The following TYRO3 variants were observed in gnomAD, a reference collection of about 807,000 sequenced individuals.
TYRO3 encodes tyrosine-protein kinase receptor TYRO3.
A neutral mutation model predicts 95.2 loss-of-function variants in TYRO3; 38 were observed. That is an observed-to-expected ratio of 0.40 (90% CI 0.31 to 0.52). TYRO3 has a LOEUF of 0.52. Among genes scored for constraint, TYRO3 ranks in the 20% least tolerant of loss-of-function variants. TYRO3 has a pLI of 0.56. For missense variants in TYRO3, 812 were observed against 1,116.4 expected (o/e 0.73, Z 3.89); for synonymous variants, 367 against 432.9 (o/e 0.85, Z 1.89).
chr15:41,579,809 G>A lies in TYRO3; in HGVS notation c.*1533G>A, dbSNP rs1432713786. On this transcript the variant is annotated 3_prime_UTR_variant, in exon 19 of 19. Coordinates refer to ENST00000263798, the MANE Select transcript of TYRO3 (RefSeq NM_006293.4). The stretch of plus-strand genomic sequence containing the variant: ...GTCTCACTCTGTCGCCCAGGCTGGA[G>A]TGCAATTGCGCGATCTGAGCTCACT... 2 of 149,816 alleles carry A rather than the reference G, an allele frequency of 1.3e-5. No homozygotes were observed. The highest frequency in any genetic ancestry group is 4.9e-5 in the African/African-American group (2 of 40,480). The allele number at this position is 149,816 out of a possible 1,614,324, so 9.3% of individuals were successfully genotyped here. A position where few individuals can be genotyped will look rare whatever the true frequency, so the allele number is the denominator to read the frequency against.
chr15:41,578,753 C>T lies in TYRO3; in HGVS notation c.*477C>T. 5.5e-6 allele frequency: 1 copy of T among 183,140 alleles called. No individual in the cohort carries two copies. Among genetic ancestry groups the T allele is most frequent in the Non-Finnish European group, 1.1e-5 (1 of 88,650 alleles). 11.3% of individuals were successfully genotyped at this position (183,140 alleles called of 1,614,324 possible). On this transcript the variant is annotated 3_prime_UTR_variant, in exon 19 of 19. Coordinates refer to ENST00000263798, the MANE Select transcript of TYRO3 (RefSeq NM_006293.4). ...CCCCTCCAAGTCACAAAGAGATGTC[C>T]TTGTAATATTCCCTTTTAGGTGAGG...
Position 41,573,682 on chromosome 15 carries a change from GC to G in TYRO3, c.2150del (p.Ala717GlyfsTer4). The G allele has an allele frequency of 6.2e-7, 1 of 1,614,260 alleles. No homozygotes were observed. On this transcript the variant is annotated frameshift_variant, in exon 18 of 19. Transcript: ENST00000263798. LOFTEE classifies it high-confidence loss of function. ...CCCAACCTCGATTCTGTCCCAGTGGGCGTTCGGGGTGACCATGTGGGAGATC... is the reference window on the plus strand; with the variant it reads ...CCCAACCTCGATTCTGTCCCAGTGGGGTTCGGGGTGACCATGTGGGAGATC... ...NLYTVQSDVW[A>X]FGVTMWEIMT...
Position 41,570,308 on chromosome 15 carries a change from AT to A in TYRO3, c.1452del (p.Arg485GlufsTer20), listed in dbSNP as rs768300380. 6.2e-7 allele frequency: 1 copy of A among 1,614,142 alleles called. No homozygotes were observed. The highest frequency in any genetic ancestry group is 1.1e-5 in the South Asian group (1 of 91,088). On this transcript the variant is annotated frameshift_variant, in exon 11 of 19. Transcript: ENST00000263798. LOFTEE classifies it high-confidence loss of function. ...CACTTCCGGGCAGCCCGGTCCTTCA[AT>A]CGAGAAAGGCCCGAGCGCATCGAGG... ...AVHFRAARSF[N>X]RERPERIEAT...
At chr15:41,571,000 A>G in intron 12 of TYRO3, 38 bp from the exon 13 acceptor site, 1 of 1,603,984 alleles carries the variant, frequency 6.2e-7, no homozygotes, top group Non-Finnish European at 8.5e-7. Flanking sequence ...GGGAGCAGAG[A>G]GCCAAGGAGA....
At chr15:41,572,664 C>T in intron 15 of TYRO3, 100 bp downstream of exon 15, 1 of 1,506,784 alleles carries the variant, frequency 6.6e-7, no homozygotes, top group East Asian at 2.3e-5. Context: ...CTGGGTAGGG[C>T]TGATGGAGCT....
chr15:41,570,579 T>C (rs763052976), intron 11 of TYRO3, 25 bp from the exon 12 acceptor site: 1 of 1,049,078 alleles, frequency 9.5e-7, no homozygotes, highest in Non-Finnish European at 1.4e-6. Context: ...GAGATCCCTC[T>C]TTCCCACAAA....
intron 18 of TYRO3, 82 bp downstream of exon 18, chr15:41,573,897 C>A: frequency 6.6e-7 from 1 of 1,518,772 alleles, no homozygotes. Context: ...GTTGCCTCAA[C>A]TGGACCTTTG....
At chr15:41,568,196 A>ATCC in intron 7 of TYRO3, 21 bp from the exon 8 acceptor site, 1 of 1,610,134 alleles carries the variant, frequency 6.2e-7, no homozygotes, top group Non-Finnish European at 8.5e-7. Flanking sequence ...GGTCTTAGCA[A>ATCC]TCTTCTCTCT....
intron 6 of TYRO3, 141 bp from the exon 7 acceptor site, chr15:41,567,219 G>T (rs2055733914): frequency 8.9e-6 from 5 of 563,038 alleles, no homozygotes; most frequent in Middle Eastern, 5.0e-4. Flanking sequence ...TATTATTGGG[G>T]TGGGGGCAGA....
At chr15:41,566,534 C>G (rs554411816) in intron 6 of TYRO3, among the ~76,000 whole-genome samples, 37 of 152,274 alleles carry the variant, frequency 2.4e-4, no homozygotes, top group Admixed American at 1.8e-3. Flanking sequence ...TGGGCCTTTT[C>G]CCTGTTCCAT....
rs541885588 is a variant in TYRO3 at position 41,580,962 on chromosome 15, G to C, written c.*2686G>C. On this transcript the variant is annotated 3_prime_UTR_variant, in exon 19 of 19. Transcript: ENST00000263798. Reference sequence around the variant, plus strand: ...TCCCAGCACTTTGGGAGGCTGAGGCGGGTGGATCACTTCAGGCCGGGAGTT... The same window carrying C: ...TCCCAGCACTTTGGGAGGCTGAGGCCGGTGGATCACTTCAGGCCGGGAGTT... 1.3e-5 allele frequency: 2 copies of C among 152,108 alleles called. No homozygotes were observed. Among genetic ancestry groups the C allele is most frequent in the East Asian group, 3.9e-4 (2 of 5,170 alleles). 9.4% of individuals were successfully genotyped at this position (152,108 alleles called of 1,614,324 possible).
Position 41,581,180 on chromosome 15 carries a change from A to T in TYRO3, c.*2904A>T, listed in dbSNP as rs2055918980. 6.5e-6 allele frequency: 1 copy of T among 153,480 alleles called. No individual in the cohort carries two copies. The highest frequency in any genetic ancestry group is 2.4e-5 in the African/African-American group (1 of 41,424). 9.5% of individuals were successfully genotyped at this position (153,480 alleles called of 1,614,324 possible). ...ACTTCGGCCTGGGTGACAGATTAAG[A>T]CTGTCTCAGAAACAAAACAAAACAA... On this transcript the variant is annotated 3_prime_UTR_variant, in exon 19 of 19. Coordinates refer to ENST00000263798, the MANE Select transcript of TYRO3 (RefSeq NM_006293.4).
At chr15:41,568,007 A>G (rs1265360009) in intron 7 of TYRO3, among the ~76,000 whole-genome samples, 2 of 152,130 alleles carry the variant, frequency 1.3e-5, no homozygotes, top group African/African-American at 4.8e-5. Flanking sequence ...GAAGAGCAAC[A>G]CTGCCGAGCT....
rs961013813 is a variant in TYRO3 at position 41,581,106 on chromosome 15, C to T, written c.*2830C>T. 4 of 153,330 alleles carry T rather than the reference C, an allele frequency of 2.6e-5. No individual in the cohort carries two copies. Among genetic ancestry groups the T allele is most frequent in the Non-Finnish European group, 4.4e-5 (3 of 68,052 alleles). The allele number at this position is 153,330 out of a possible 1,614,324, so 9.5% of individuals were successfully genotyped here. ...CTGGGTGACTGAGGCATGAGAATCA[C>T]TTAAACCTGGGAGGAGGAGGTTGCA... On this transcript the variant is annotated 3_prime_UTR_variant, in exon 19 of 19. Transcript: ENST00000263798.
chr15:41,573,851 G>C (rs1311433122), intron 18 of TYRO3, 36 bp downstream of exon 18: 27 of 1,342,604 alleles, frequency 2.0e-5, no homozygotes, highest in Non-Finnish European at 2.6e-5. Context: ...GGAAGGAAAG[G>C]GGAATCTGGA....
chr15:41,560,436 C>CGCGT (rs937828398), intron 1 of TYRO3, among the ~76,000 whole-genome samples: 10 of 82,920 alleles, frequency 1.2e-4, no homozygotes, highest in African/African-American at 3.3e-4. Context: ...TGTGCGCGCG[C>CGCGT]GCGCGCGCGC....
At chr15:41,561,486 G>T in intron 2 of TYRO3, 53 bp from the exon 3 acceptor site, 1 of 1,366,846 alleles carries the variant, frequency 7.3e-7, no homozygotes. Context: ...AGTTTGCCCA[G>T]CAGAGCTGCC....
chr15:41,564,111 G>A (rs2055690352), intron 4 of TYRO3, 73 bp from the exon 5 acceptor site: 3 of 1,381,992 alleles, frequency 2.2e-6, no homozygotes, highest in East Asian at 2.3e-5. Context: ...CAGAGCCTGA[G>A]TATTCCCCTT....
chr15:41,569,350 GC>G (rs1398572480), intron 9 of TYRO3, among the ~76,000 whole-genome samples: 1 of 150,658 alleles, frequency 6.6e-6, no homozygotes, highest in African/African-American at 2.4e-5. Flanking sequence ...TGCCTGTTAA[GC>G]CCAGCTGCTC....
Sources: allele counts gnomAD v4.1 joint callset (sites outside exome capture counted in the v4.1 genomes callset), GRCh38; gene constraint gnomAD v4.1.1; transcripts MANE v1.5; gene names NCBI Gene and HGNC (gene_info 2026-07-23, HGNC 2026-07-21).